DCC: variants seen among roughly 807,000 people sequenced by gnomAD.
DCC encodes the protein DCC netrin 1 receptor, also known as netrin receptor DCC.
Under a neutral mutation model 172.5 loss-of-function variants are expected in DCC, and 58 were observed. The ratio of observed to expected loss-of-function variants is 0.34; its 90% CI spans 0.27 to 0.42. The LOEUF (loss-of-function observed/expected upper bound fraction) is 0.42. DCC is among the 10% of genes least tolerant of loss of function. The pLI is 1.00. For missense variants in DCC, 1,740 were observed against 1,791.0 expected (o/e 0.97, Z 0.51); for synonymous variants, 709 against 644.5 (o/e 1.10, Z -1.52).
intron 2 of DCC, among the ~76,000 whole-genome samples, chr18:52,898,870 G>C (rs1221635393): frequency 1.3e-5 from 2 of 152,192 alleles, no homozygotes; most frequent in African/African-American, 4.8e-5. Context: ...TGCCCAGGCT[G>C]TCCCAGCTGG....
At chr18:53,052,024 A>G (rs2042340998) in intron 5 of DCC, among the ~76,000 whole-genome samples, 1 of 152,006 alleles carries the variant, frequency 6.6e-6, no homozygotes, top group Admixed American at 6.6e-5. Context: ...CTCAGCCCTA[A>G]TTACTTTAAT....
chr18:53,350,170 G>A (rs2057773453), intron 15 of DCC, among the ~76,000 whole-genome samples: 1 of 152,024 alleles, frequency 6.6e-6, no homozygotes. Context: ...GAGGATTTAT[G>A]TTCTTCCAAT....
At chr18:52,962,685 G>T (rs1282802992) in intron 5 of DCC, among the ~76,000 whole-genome samples, 1 of 151,762 alleles carries the variant, frequency 6.6e-6, no homozygotes, top group Admixed American at 6.6e-5. Context: ...ATTCACAGTA[G>T]CAAAGACTTG....
intron 15 of DCC, among the ~76,000 whole-genome samples, chr18:53,348,456 G>T (rs962242642): frequency 2.0e-5 from 3 of 152,206 alleles, no homozygotes; most frequent in Non-Finnish European, 4.4e-5. Flanking sequence ...CTGGCATTGA[G>T]TGTCTGTGGC....
intron 20 of DCC, among the ~76,000 whole-genome samples, chr18:53,413,046 G>T (rs1430413736): frequency 6.6e-6 from 1 of 152,084 alleles, no homozygotes; most frequent in Non-Finnish European, 1.5e-5. Flanking sequence ...CAAACTATTG[G>T]AAGACTTATG....
At chr18:53,138,356 C>T (rs1273025974) in intron 7 of DCC, among the ~76,000 whole-genome samples, 1 of 152,056 alleles carries the variant, frequency 6.6e-6, no homozygotes, top group Non-Finnish European at 1.5e-5. Flanking sequence ...ATTAAAAAAC[C>T]TGAGTATTTT....
chr18:53,475,093 T>C (rs1401505908), intron 25 of DCC, among the ~76,000 whole-genome samples: 2 of 152,188 alleles, frequency 1.3e-5, no homozygotes. Context: ...AGAGAGATGA[T>C]TTAGAGTATC....
At chr18:53,365,403 T>C (rs2144942856) in intron 15 of DCC, among the ~76,000 whole-genome samples, 1 of 144,544 alleles carries the variant, frequency 6.9e-6, no homozygotes, top group Admixed American at 7.0e-5. Context: ...AATATATATA[T>C]ATATAAAAGA....
intron 1 of DCC, among the ~76,000 whole-genome samples, chr18:52,676,288 G>A (rs1405096175): frequency 6.6e-6 from 1 of 152,160 alleles, no homozygotes; most frequent in Non-Finnish European, 1.5e-5. Flanking sequence ...GGTTTTGAGA[G>A]AATTAACTTG....
At chr18:52,768,712 G>T (rs2037293699) in intron 2 of DCC, among the ~76,000 whole-genome samples, 1 of 152,184 alleles carries the variant, frequency 6.6e-6, no homozygotes, top group Non-Finnish European at 1.5e-5. Context: ...GCATGTGTGT[G>T]TGTGCATGTG....
chr18:53,144,286 T>A (rs939404003), intron 7 of DCC, among the ~76,000 whole-genome samples: 2 of 152,192 alleles, frequency 1.3e-5, no homozygotes, highest in Admixed American at 1.3e-4. Flanking sequence ...GTTTTTACAT[T>A]TTCTTAGAAC....
intron 1 of DCC, among the ~76,000 whole-genome samples, chr18:52,595,625 C>T (rs1262217252): frequency 6.6e-6 from 1 of 152,184 alleles, no homozygotes; most frequent in African/African-American, 2.4e-5. Context: ...GATTTAGCTT[C>T]CCTCAAATGA....
intron 1 of DCC, among the ~76,000 whole-genome samples, chr18:52,410,932 T>G (rs1986823265): frequency 6.6e-6 from 1 of 152,160 alleles, no homozygotes; most frequent in African/African-American, 2.4e-5. Context: ...CAGTACAGTA[T>G]TAATCTGAGT....
intron 2 of DCC, among the ~76,000 whole-genome samples, chr18:52,791,947 G>T (rs1364960140): frequency 6.6e-6 from 1 of 152,092 alleles, no homozygotes; most frequent in African/African-American, 2.4e-5. Context: ...ACTAAAATCT[G>T]GCTTTGGAGG....
At chr18:52,920,260 A>T (rs1323202317) in intron 3 of DCC, among the ~76,000 whole-genome samples, 1 of 152,094 alleles carries the variant, frequency 6.6e-6, no homozygotes, top group African/African-American at 2.4e-5. Flanking sequence ...AGATACTTTT[A>T]AAAGAGTAAA....
intron 1 of DCC, among the ~76,000 whole-genome samples, chr18:52,610,208 TATATATATATATATATATAA>T (rs2034243833): frequency 2.1e-5 from 1 of 48,162 alleles, no homozygotes; most frequent in African/African-American, 8.5e-5. Flanking sequence ...TATATATATA[TATATATATATATATATATAA>T]AATTAGCCAG....
At chr18:52,455,599 A>T (rs528286196) in intron 1 of DCC, among the ~76,000 whole-genome samples, 1 of 152,300 alleles carries the variant, frequency 6.6e-6, no homozygotes, top group Non-Finnish European at 1.5e-5. Context: ...CTCAGGTACA[A>T]GTCAAGACCT....
intron 1 of DCC, among the ~76,000 whole-genome samples, chr18:52,748,062 A>C (rs2145125626): frequency 6.6e-6 from 1 of 152,226 alleles, no homozygotes; most frequent in African/African-American, 2.4e-5. Flanking sequence ...TCCCACGCCC[A>C]CCATAGGCGT....
intron 5 of DCC, among the ~76,000 whole-genome samples, chr18:52,999,173 A>G (rs1468096740): frequency 6.6e-6 from 1 of 151,870 alleles, no homozygotes; most frequent in Non-Finnish European, 1.5e-5. Context: ...CAATTAAATA[A>G]TTTGTTTTTT....
Sources: allele counts gnomAD v4.1 joint callset (sites outside exome capture counted in the v4.1 genomes callset), GRCh38; gene constraint gnomAD v4.1.1; transcripts MANE v1.5; gene names NCBI Gene and HGNC (gene_info 2026-07-23, HGNC 2026-07-21).